SGCZ: variants seen among roughly 807,000 people sequenced by gnomAD.
SGCZ encodes the protein zeta-sarcoglycan.
In SGCZ, 40 loss-of-function variants were observed where a neutral mutation model predicts 41.3. That is an observed-to-expected ratio of 0.97 (90% confidence interval 0.75 to 1.26). SGCZ has a LOEUF of 1.26. SGCZ is among the 50% of genes most tolerant of loss of function. The pLI is 0.00. For missense variants in SGCZ, 552 were observed against 369.8 expected (o/e 1.49, Z -4.04); for synonymous variants, 206 against 137.5 (o/e 1.50, Z -3.49).
At chr8:14,840,830 A>G (rs1242025885) in intron 1 of SGCZ, among the ~76,000 whole-genome samples, 1 of 152,116 alleles carries the variant, frequency 6.6e-6, no homozygotes, top group African/African-American at 2.4e-5. Flanking sequence ...ATGAGACTCA[A>G]GAAGTGTCAG....
chr8:14,853,936 T>A (rs1416509110), intron 1 of SGCZ, among the ~76,000 whole-genome samples: 1 of 150,840 alleles, frequency 6.6e-6, no homozygotes, highest in Non-Finnish European at 1.5e-5. Flanking sequence ...CTTTCAAGGA[T>A]CTTTCAAGGC....
chr8:14,771,869 T>C (rs1241203142), intron 1 of SGCZ, among the ~76,000 whole-genome samples: 1 of 152,156 alleles, frequency 6.6e-6, no homozygotes, highest in Admixed American at 6.6e-5. Flanking sequence ...CCATGTAATT[T>C]GAATCAATAT....
At chr8:14,628,995 A>T (rs1806554799) in intron 1 of SGCZ, among the ~76,000 whole-genome samples, 1 of 152,106 alleles carries the variant, frequency 6.6e-6, no homozygotes, top group Non-Finnish European at 1.5e-5. Context: ...CACTTAACAC[A>T]GGATGTTTGC....
intron 1 of SGCZ, among the ~76,000 whole-genome samples, chr8:14,860,710 GAA>G (rs1803712469): frequency 3.9e-5 from 2 of 51,334 alleles, no homozygotes; most frequent in African/African-American, 5.6e-5. Context: ...GAAAGAAAGA[GAA>G]AGAAAGAAAG....
At chr8:14,706,543 A>T (rs1339433674) in intron 1 of SGCZ, among the ~76,000 whole-genome samples, 1 of 152,098 alleles carries the variant, frequency 6.6e-6, no homozygotes, top group Non-Finnish European at 1.5e-5. Flanking sequence ...AGCCAAGTTG[A>T]ATAGGACATT....
intron 1 of SGCZ, among the ~76,000 whole-genome samples, chr8:14,898,862 A>C (rs1805298995): frequency 6.6e-6 from 1 of 152,348 alleles, no homozygotes; most frequent in East Asian, 1.9e-4. Context: ...GATATTATAA[A>C]GGTAGTTGAA....
At chr8:14,711,631 G>A (rs909742345) in intron 1 of SGCZ, among the ~76,000 whole-genome samples, 3 of 146,030 alleles carry the variant, frequency 2.1e-5, no homozygotes, top group South Asian at 2.2e-4. Flanking sequence ...GCCTATATGC[G>A]TCCCTTGTAC....
At chr8:14,680,425 G>T (rs1343907507) in intron 1 of SGCZ, among the ~76,000 whole-genome samples, 1 of 152,024 alleles carries the variant, frequency 6.6e-6, no homozygotes, top group African/African-American at 2.4e-5. Context: ...GTTTACAATG[G>T]GGAAACTATG....
At chr8:14,746,220 G>C (rs1390811212) in intron 1 of SGCZ, among the ~76,000 whole-genome samples, 2 of 152,064 alleles carry the variant, frequency 1.3e-5, no homozygotes, top group Admixed American at 6.6e-5. Flanking sequence ...CTGAATGTCA[G>C]TGGAATTTTT....
rs1278956762 is a variant in SGCZ at position 14,088,244 on chromosome 8, G to A, written c.*2199C>T. On this transcript the variant is annotated 3_prime_UTR_variant, in exon 8 of 8. Coordinates refer to ENST00000382080, the MANE Select transcript of SGCZ (RefSeq NM_139167.4). ...TATTCAATACTTTTGCTGTGAAGTT[G>A]AGTAAACTGAAGCCTGGAGAGATTC... Among the ~76,000 whole-genome samples, 1 of 151,720 alleles carries A rather than the reference G, an allele frequency of 6.6e-6. No individual in the cohort carries two copies.
At chr8:15,068,119 T>C (rs1273765721) in intron 1 of SGCZ, among the ~76,000 whole-genome samples, 2 of 152,182 alleles carry the variant, frequency 1.3e-5, no homozygotes, top group Non-Finnish European at 2.9e-5. Flanking sequence ...CAAATCTTCA[T>C]GAACTTTGAA....
intron 1 of SGCZ, among the ~76,000 whole-genome samples, chr8:14,809,087 G>T (rs968251858): frequency 6.8e-6 from 1 of 146,730 alleles, no homozygotes; most frequent in Non-Finnish European, 1.5e-5. Flanking sequence ...TTGTGGGGTG[G>T]GTGGAGGGGG....
At position 14,258,299 on chromosome 8, in the gene SGCZ, A is replaced by C. The variant is rs1799535775; in HGVS notation, c.337-20620T>G. Among the ~76,000 whole-genome samples the C allele has an allele frequency of 2.0e-5, 3 of 152,178 alleles. No individual in the cohort carries two copies. The South Asian group carries it at 6.2e-4, about 32-fold the overall frequency. ...ATTAAACTTACACCATTAATCATTA[A>C]GGTGGCATATTTCATTTAAAGAGGG... On this transcript the variant is annotated intron_variant, in intron 3 of 7. Coordinates refer to ENST00000382080, the MANE Select transcript of SGCZ (RefSeq NM_139167.4).
intron 1 of SGCZ, among the ~76,000 whole-genome samples, chr8:15,186,535 T>C (rs762304899): frequency 1.3e-5 from 2 of 152,186 alleles, no homozygotes; most frequent in East Asian, 3.9e-4. Flanking sequence ...ATCATCAGCA[T>C]ATATAAAGCA....
At chr8:14,855,467 C>T (rs1481976263) in intron 1 of SGCZ, among the ~76,000 whole-genome samples, 2 of 152,114 alleles carry the variant, frequency 1.3e-5, no homozygotes, top group East Asian at 1.9e-4. Flanking sequence ...ATTTTACCCT[C>T]AACAGTGTCC....
chr8:14,128,724 C>T (rs1046379685), intron 5 of SGCZ, among the ~76,000 whole-genome samples: 1 of 151,800 alleles, frequency 6.6e-6, no homozygotes, highest in Non-Finnish European at 1.5e-5. Context: ...CATATACACA[C>T]ACACACACAC....
chr8:14,551,524 A>AAT (rs1563404484), intron 2 of SGCZ, among the ~76,000 whole-genome samples: 497 of 9,706 alleles, frequency 0.051, 75 homozygotes, highest in South Asian at 0.1. Context: ...TATTATATAT[A>AAT]ATATATATAA....
intron 1 of SGCZ, among the ~76,000 whole-genome samples, chr8:14,782,243 T>A (rs1196361392): frequency 6.6e-6 from 1 of 152,224 alleles, no homozygotes; most frequent in Non-Finnish European, 1.5e-5. Flanking sequence ...AGTAATATGC[T>A]GAGATTATTT....
chr8:14,540,331 A>T (rs1282807492), intron 2 of SGCZ, among the ~76,000 whole-genome samples: 1 of 144,552 alleles, frequency 6.9e-6, no homozygotes, highest in East Asian at 2.1e-4. Flanking sequence ...TAGAGGTATC[A>T]TGAGTATTAA....
Sources: allele counts gnomAD v4.1 joint callset (sites outside exome capture counted in the v4.1 genomes callset), GRCh38; gene constraint gnomAD v4.1.1; transcripts MANE v1.5; gene names NCBI Gene and HGNC (gene_info 2026-07-23, HGNC 2026-07-21).